Variants in ADGRL4 observed in about 807,000 individuals in gnomAD.
The protein encoded by ADGRL4 is EGF, latrophilin and seven transmembrane domain containing 1.
Under a neutral mutation model 74.8 loss-of-function variants are expected in ADGRL4, and 90 were observed. That is an observed-to-expected ratio of 1.20 (90% CI 1.02 to 1.43). The LOEUF (loss-of-function observed/expected upper bound fraction) is 1.43, where lower values mean the gene tolerates loss of function less well. Ranked by LOEUF, ADGRL4 falls within the 40% of genes most tolerant of loss-of-function variation. The pLI, the probability that ADGRL4 is intolerant of heterozygous loss-of-function variation, is 0.00. For missense variants in ADGRL4, 881 were observed against 814.3 expected (o/e 1.08, Z -1.00); for synonymous variants, 311 against 279.2 (o/e 1.11, Z -1.14).
At chr1:78,993,604 T>C (rs1026614691) in intron 2 of ADGRL4, among the ~76,000 whole-genome samples, 1 of 151,252 alleles carries the variant, frequency 6.6e-6, no homozygotes, top group South Asian at 2.1e-4. Context: ...AGTCTCGCTC[T>C]CTCACCCAGG....
At chr1:78,979,730 T>G (rs1650362620) in intron 2 of ADGRL4, among the ~76,000 whole-genome samples, 1 of 151,764 alleles carries the variant, frequency 6.6e-6, no homozygotes, top group Admixed American at 6.6e-5. Context: ...AAAAAAGAAA[T>G]GAAATAATGT....
chr1:78,926,205 C>G (rs1240118618), intron 8 of ADGRL4, among the ~76,000 whole-genome samples: 1 of 151,948 alleles, frequency 6.6e-6, no homozygotes, highest in African/African-American at 2.4e-5. Flanking sequence ...CGAAAGTACT[C>G]GAATCATGTA....
rs76627410 is a variant in ADGRL4 at position 78,925,849 on chromosome 1, G to A, written c.1083+1037C>T. On this transcript the variant is annotated intron_variant, in intron 8 of 14. Transcript: ENST00000370742. ...CCAAACCATTCCACTGATGAAAAAC[G>A]GAAAAAACATCAGACCATGTAAAAG... Among the ~76,000 whole-genome samples the A allele has an allele frequency of 3.9e-3, 597 of 151,978 alleles. 5 individuals carry two copies. Among genetic ancestry groups the A allele is most frequent in the African/African-American group, 0.014 (566 of 41,506 alleles).
chr1:78,954,738 A>T lies in ADGRL4; in HGVS notation c.173-8312T>A, dbSNP rs565438806. 2.6e-5 allele frequency among the ~76,000 whole-genome samples: 4 copies of T among 152,272 alleles called. No individual in the cohort carries two copies. The South Asian group carries it at 6.2e-4, about 24-fold the overall frequency. On this transcript the variant is annotated intron_variant, in intron 2 of 14. Transcript: ENST00000370742. ...TCACTAAAAGTTCAGTTTATTAAAA[A>T]ATTGTAGTTAGAAATATAGAACTTA...
At chr1:78,960,816 A>T (rs1334224965) in intron 2 of ADGRL4, among the ~76,000 whole-genome samples, 2 of 152,188 alleles carry the variant, frequency 1.3e-5, no homozygotes, top group Admixed American at 1.3e-4. Flanking sequence ...ACCAAAAAGC[A>T]GATCCTCACC....
intron 2 of ADGRL4, among the ~76,000 whole-genome samples, chr1:78,950,452 T>A (rs952775699): frequency 1.3e-5 from 2 of 152,102 alleles, no homozygotes; most frequent in Non-Finnish European, 2.9e-5. Context: ...AGGTTTTATG[T>A]AGTGGATAAA....
At chr1:78,939,015 A>C (rs1649418864) in intron 4 of ADGRL4, among the ~76,000 whole-genome samples, 173 bp downstream of exon 4, 1 of 152,096 alleles carries the variant, frequency 6.6e-6, no homozygotes, top group Non-Finnish European at 1.5e-5. Context: ...GAGGATTTTC[A>C]AATTAACCCT....
At position 78,920,187 on chromosome 1, in the gene ADGRL4, T is replaced by C. The variant is rs1469994850; in HGVS notation, c.1457A>G (p.Asn486Ser). The change falls in exon 10 of 15, where the codon AAT becomes AGT. Residue 486 changes from asparagine to serine, a missense_variant. Physicochemically the swap from Asn to Ser is conservative, Grantham distance 46. Transcript: ENST00000370742. The part of the protein sequence containing the change: ...VFLVGINTNT[N>S]KLFCSIIAGL... ...GAGATTAGGATGCCTACATACCTTATTAGTATTTGTATTGATCCCAACAAG... is the reference window on the plus strand; with the variant it reads ...GAGATTAGGATGCCTACATACCTTACTAGTATTTGTATTGATCCCAACAAG... 2.5e-6 allele frequency: 4 copies of C among 1,609,012 alleles called. No homozygotes were observed. Among genetic ancestry groups the C allele is most frequent in the African/African-American group, 1.3e-5 (1 of 74,800 alleles).
intron 2 of ADGRL4, among the ~76,000 whole-genome samples, chr1:79,001,865 T>C (rs375891154): frequency 5.9e-5 from 9 of 152,272 alleles, no homozygotes; most frequent in African/African-American, 1.9e-4. Context: ...TATTTTATCA[T>C]AGAGGAAAAA....
At chr1:78,994,912 A>C (rs181985932) in intron 2 of ADGRL4, among the ~76,000 whole-genome samples, 2 of 152,344 alleles carry the variant, frequency 1.3e-5, no homozygotes, top group Non-Finnish European at 2.9e-5. Context: ...TGCCTGTCTG[A>C]TCAATTCTAC....
At chr1:78,912,893 A>C (rs1648793284) in intron 12 of ADGRL4, among the ~76,000 whole-genome samples, 1 of 151,980 alleles carries the variant, frequency 6.6e-6, no homozygotes. Flanking sequence ...TGCATCTGAC[A>C]AAAGTCTAAT....
chr1:78,986,651 T>C (rs957734949), intron 2 of ADGRL4, among the ~76,000 whole-genome samples: 3 of 151,564 alleles, frequency 2.0e-5, no homozygotes, highest in Non-Finnish European at 4.4e-5. Flanking sequence ...TAAAAAGCAA[T>C]ATACATTACT....
chr1:79,001,567 A>G (rs988223504), intron 2 of ADGRL4, among the ~76,000 whole-genome samples: 3 of 152,138 alleles, frequency 2.0e-5, no homozygotes, highest in Non-Finnish European at 4.4e-5. Context: ...ATATTTATAC[A>G]ATTTTAAGGC....
chr1:78,937,420 G>C (rs1394192716), intron 6 of ADGRL4, among the ~76,000 whole-genome samples: 1 of 152,198 alleles, frequency 6.6e-6, no homozygotes, highest in Admixed American at 6.5e-5. Flanking sequence ...ACTCCAGCCT[G>C]GGTGACAGAG....
chr1:78,948,013 T>C (rs1649642212), intron 2 of ADGRL4, among the ~76,000 whole-genome samples: 1 of 152,046 alleles, frequency 6.6e-6, no homozygotes, highest in East Asian at 1.9e-4. Context: ...CTCTAGGAGG[T>C]AGGTATTATT....
chr1:78,891,767 G>T, intron 13 of ADGRL4, 75 bp from the exon 14 acceptor site: 1 of 1,337,318 alleles, frequency 7.5e-7, no homozygotes, highest in Non-Finnish European at 1.0e-6. Flanking sequence ...CTCAAATTAT[G>T]TGGGAGGTGA....
At chr1:78,896,798 G>C (rs1648408760) in intron 12 of ADGRL4, among the ~76,000 whole-genome samples, 1 of 152,068 alleles carries the variant, frequency 6.6e-6, no homozygotes, top group Non-Finnish European at 1.5e-5. Context: ...ATAAAAGATT[G>C]CACAGTGGCT....
chr1:78,987,922 A>T (rs555416260), intron 2 of ADGRL4, among the ~76,000 whole-genome samples: 1 of 151,746 alleles, frequency 6.6e-6, no homozygotes, highest in Non-Finnish European at 1.5e-5. Flanking sequence ...CATACTAATC[A>T]TACCATAATT....
intron 12 of ADGRL4, among the ~76,000 whole-genome samples, chr1:78,905,980 T>C (rs753755539): frequency 1.3e-5 from 2 of 151,996 alleles, no homozygotes; most frequent in Non-Finnish European, 2.9e-5. Flanking sequence ...ATTATCCAAA[T>C]ATAATTATTC....
Sources: allele counts gnomAD v4.1 joint callset (sites outside exome capture counted in the v4.1 genomes callset), GRCh38; gene constraint gnomAD v4.1.1; transcripts MANE v1.5; gene names NCBI Gene and HGNC (gene_info 2026-07-23, HGNC 2026-07-21).